USP6: variants seen among roughly 807,000 people sequenced by gnomAD.
USP6 encodes the protein ubiquitin specific peptidase 6.
USP6 carries 128 observed loss-of-function variants against 175.7 expected under a neutral mutation model. The ratio of observed to expected loss-of-function variants is 0.73; its 90% confidence interval spans 0.63 to 0.84. The LOEUF (loss-of-function observed/expected upper bound fraction) is 0.84, where lower values mean the gene tolerates loss of function less well. Among genes scored for constraint, USP6 ranks in the 40% least tolerant of loss-of-function variants. The probability of loss-of-function intolerance (pLI) is 0.00; values close to 1 mark genes in which losing one functional copy is unlikely to be tolerated. For synonymous variants in USP6, 562 were observed against 630.6 expected (o/e 0.89, Z 1.63); for missense variants, 1,498 against 1,760.3 (o/e 0.85, Z 2.67).
chr17:5,138,323 A>T, intron 21 of USP6, 50 bp downstream of exon 21: 3 of 1,609,538 alleles, frequency 1.9e-6, no homozygotes, highest in Non-Finnish European at 2.5e-6. Flanking sequence ...GGGGCAGTCA[A>T]TAGTGGGCGG....
Position 5,148,691 on chromosome 17 carries a change from G to A in USP6, c.2567G>A (p.Gly856Glu). The A allele has an allele frequency of 1.2e-6, 2 of 1,613,866 alleles. No individual in the cohort carries two copies. The highest frequency in any genetic ancestry group is 1.7e-6 in the Non-Finnish European group (2 of 1,179,842). The change falls in exon 30 of 38, where the codon GGA becomes GAA. Residue 856 changes from glycine to glutamate, a missense_variant. Gly to Glu is a moderately conservative substitution (Grantham distance 98). Coordinates refer to ENST00000574788, the MANE Select transcript of USP6 (RefSeq NM_001304284.2). Reference protein sequence around the residue: ...PCGTEKNFTNGMVNGHMPSLP... With the variant: ...PCGTEKNFTNEMVNGHMPSLP... ...GGAACTGAGAAGAACTTCACAAATGGAATGGTTAATGGTCACATGCCATCT... is the reference window on the plus strand; with the variant it reads ...GGAACTGAGAAGAACTTCACAAATGAAATGGTTAATGGTCACATGCCATCT...
chr17:5,158,895 G>A (rs9904087), intron 31 of USP6, among the ~76,000 whole-genome samples: 149,512 of 152,246 alleles, frequency 0.98, 73,487 homozygotes, highest in East Asian at 1. Flanking sequence ...TGGACGTTAA[G>A]AAAGGTAGCC....
chr17:5,124,120 AG>A (rs2072812941), intron 4 of USP6, among the ~76,000 whole-genome samples: 1 of 152,180 alleles, frequency 6.6e-6, no homozygotes, highest in Non-Finnish European at 1.5e-5. Flanking sequence ...CAACTATACG[AG>A]GACACTGCAG....
At chr17:5,165,337 C>T (rs535405847) in intron 33 of USP6, among the ~76,000 whole-genome samples, 38 of 152,274 alleles carry the variant, frequency 2.5e-4, no homozygotes, top group African/African-American at 8.7e-4. Flanking sequence ...TTATATTTCT[C>T]TCCTGTTTGG....
chr17:5,139,453 C>T lies in USP6; in HGVS notation c.1277C>T (p.Pro426Leu). 1 of 1,613,222 alleles carries T rather than the reference C, an allele frequency of 6.2e-7. No individual in the cohort carries two copies. Among genetic ancestry groups the T allele is most frequent in the Non-Finnish European group, 8.5e-7 (1 of 1,180,026 alleles). Reference protein sequence around the residue: ...PGGAVREDTYPVGTQGVPSLA... With the variant: ...PGGAVREDTYLVGTQGVPSLA... ...GGGGCTGTCCGGGAAGACACGTACCCTGTGGGCACTCAGGGTGTGCCCAGC... is the reference window on the plus strand; with the variant it reads ...GGGGCTGTCCGGGAAGACACGTACCTTGTGGGCACTCAGGGTGTGCCCAGC... Residue 426 changes from proline (P) to leucine (L), a missense_variant, in exon 22 of 38, where the codon CCT becomes CTT. By Grantham distance (98) the Pro-to-Leu change is moderately conservative. Around this residue, in one of 2 missense-constraint regions of USP6, gnomAD observed 1,217 missense variants for 1,500.8 expected, o/e 0.81. Coordinates refer to ENST00000574788, the MANE Select transcript of USP6 (RefSeq NM_001304284.2).
rs866030878 is a variant in USP6, at chr17:5,130,100, A to G, written c.-2+11A>G. On this transcript the variant is annotated intron_variant, in intron 9 of 37. Coordinates refer to ENST00000574788, the MANE Select transcript of USP6 (RefSeq NM_001304284.2). ...AACCTGCCGGGGCAGGTGTGTGCCCATTTCATGGCATATGGGGACAACCGG... is the reference window on the plus strand; with the variant it reads ...AACCTGCCGGGGCAGGTGTGTGCCCGTTTCATGGCATATGGGGACAACCGG... 6.3e-6 allele frequency: 3 copies of G among 474,304 alleles called. No homozygotes were observed. Among genetic ancestry groups the G allele is most frequent in the South Asian group, 4.4e-5 (2 of 45,524 alleles). The allele number at this position is 474,304 out of a possible 1,614,324, so 29.4% of individuals were successfully genotyped here. A position where few individuals can be genotyped will look rare whatever the true frequency, so the allele number is the denominator to read the frequency against.
chr17:5,137,377 C>T (rs1257126681), intron 19 of USP6, among the ~76,000 whole-genome samples, 191 bp downstream of exon 19: 2 of 152,230 alleles, frequency 1.3e-5, no homozygotes, highest in African/African-American at 4.8e-5. Flanking sequence ...GGTCCAGCCT[C>T]ATGGGCAGAC....
At chr17:5,120,969 C>T (rs2072643943) in intron 3 of USP6, among the ~76,000 whole-genome samples, 181 bp downstream of exon 3, 1 of 152,206 alleles carries the variant, frequency 6.6e-6, no homozygotes, top group African/African-American at 2.4e-5. Flanking sequence ...CAAGCTCACA[C>T]AGCCCTTCAC....
chr17:5,147,814 G>A (rs1452317817), intron 29 of USP6, among the ~76,000 whole-genome samples: 1 of 152,172 alleles, frequency 6.6e-6, no homozygotes, highest in South Asian at 2.1e-4. Context: ...CACCAATCAC[G>A]TGGACTGTTA....
intron 28 of USP6, among the ~76,000 whole-genome samples, chr17:5,146,830 A>G (rs2073625271): frequency 6.6e-6 from 1 of 152,210 alleles, no homozygotes; most frequent in Non-Finnish European, 1.5e-5. Flanking sequence ...GAGACAAAGG[A>G]CAAAACTGAA....
At chr17:5,151,161 CCATT>C (rs1188679945) in intron 30 of USP6, among the ~76,000 whole-genome samples, 1 of 151,928 alleles carries the variant, frequency 6.6e-6, no homozygotes, top group East Asian at 1.9e-4. Context: ...TTAGGGATGA[CCATT>C]CAACTCAACT....
In USP6 at chr17:5,170,595, A is replaced by AT. The variant is rs2074193105; in HGVS notation, c.3636dup (p.Gly1213TrpfsTer5). ...CAAAGGGAGGCTCCGGCTGCCCCAG[A>AT]TTGGCAGCAAAAATAAGCCGTCAAG... is the stretch of plus-strand genomic sequence containing the variant. On this transcript the variant is annotated frameshift_variant, in exon 36 of 38. Coordinates refer to ENST00000574788, the MANE Select transcript of USP6 (RefSeq NM_001304284.2). LOFTEE classifies it high-confidence loss of function. 2 of 1,612,780 alleles carry AT rather than the reference A, an allele frequency of 1.2e-6. No homozygotes were observed. The highest frequency in any genetic ancestry group is 8.5e-7 in the Non-Finnish European group (1 of 1,179,876).
chr17:5,133,646 G>C, intron 14 of USP6, 96 bp downstream of exon 14: 1 of 966,346 alleles, frequency 1.0e-6, no homozygotes, highest in Non-Finnish European at 1.6e-6. Flanking sequence ...GGGTGGGGGG[G>C]TGGGAGGGGA....
At position 5,141,361 on chromosome 17, in the gene USP6, A is replaced by G. The variant is rs1356271373; in HGVS notation, c.1499-64A>G. 4.9e-6 allele frequency: 7 copies of G among 1,436,492 alleles called. No individual in the cohort carries two copies. In the Admixed American group the frequency reaches 6.9e-5, roughly 14 times the overall value. 89.0% of individuals were successfully genotyped at this position (1,436,492 alleles called of 1,614,324 possible). A position where few individuals can be genotyped will look rare whatever the true frequency, so the allele number is the denominator to read the frequency against. Reference sequence around the variant, plus strand: ...AGATGTCTTTAAAAAAAAAAAACAGAAGCAATCAAGTGGGTGTAAATTAGA... The same window carrying G: ...AGATGTCTTTAAAAAAAAAAAACAGGAGCAATCAAGTGGGTGTAAATTAGA... On this transcript the variant is annotated intron_variant, in intron 22 of 37. Transcript: ENST00000574788.
At position 5,130,534 on chromosome 17, in the gene USP6, G is replaced by A. The variant is rs928788627; in HGVS notation, c.73-68G>A. 1.3e-5 allele frequency: 21 copies of A among 1,610,684 alleles called. No homozygotes were observed. In the Admixed American group the frequency reaches 1.3e-4, roughly 10 times the overall value. Reference sequence around the variant, plus strand: ...CTAGGAGCACAGGGCAGGGACGGGTGGCCAATACCCCCAGGCCCTTGCACC... The same window carrying A: ...CTAGGAGCACAGGGCAGGGACGGGTAGCCAATACCCCCAGGCCCTTGCACC... On this transcript the variant is annotated intron_variant, in intron 10 of 37. Coordinates refer to ENST00000574788, the MANE Select transcript of USP6 (RefSeq NM_001304284.2).
At chr17:5,151,481 T>C (rs1368649420) in intron 30 of USP6, among the ~76,000 whole-genome samples, 5 of 151,810 alleles carry the variant, frequency 3.3e-5, no homozygotes, top group Non-Finnish European at 1.5e-5. Flanking sequence ...TGTGAGTTGA[T>C]AAGCTGATTC....
chr17:5,146,133 G>T lies in USP6; in HGVS notation c.2278G>T (p.Glu760Ter). The T allele has an allele frequency of 6.2e-7, 1 of 1,612,226 alleles. No individual in the cohort carries two copies. The highest frequency in any genetic ancestry group is 8.5e-7 in the Non-Finnish European group (1 of 1,179,094). ...QLRDLCGLNS[E>*]QILLAEVHDS... ...GAGGGATCTCTGTGGACTTAATTCA[G>T]AACAAATCCTACTAGCAGAAGTACA... Residue 760 changes from glutamate (E) to a stop codon, truncating the protein, a stop_gained, in exon 28 of 38, where the codon GAA (glutamate) becomes TAA (stop). Transcript: ENST00000574788. LOFTEE classifies it high-confidence loss of function.
chr17:5,162,393 C>T (rs187712600), intron 32 of USP6, among the ~76,000 whole-genome samples: 17 of 152,258 alleles, frequency 1.1e-4, no homozygotes, highest in African/African-American at 4.1e-4. Flanking sequence ...GGTGATCCAC[C>T]CACCTCAGCC....
chr17:5,152,959 A>G (rs1427625732), intron 30 of USP6, among the ~76,000 whole-genome samples: 3 of 152,338 alleles, frequency 2.0e-5, no homozygotes, highest in South Asian at 2.1e-4. Flanking sequence ...TCACACCACT[A>G]TGCTCCAGCC....
Sources: gnomAD v4.1 joint callset for allele counts (sites outside exome capture counted in the v4.1 genomes callset) on GRCh38, gnomAD v4.1.1 for gene constraint, gnomAD v4.1.1 regional missense constraint, MANE v1.5 for transcripts, NCBI Gene and HGNC (gene_info 2026-07-23, HGNC 2026-07-21) for gene names.